Variants in LPIN2 observed in about 807,000 individuals in gnomAD.
The protein encoded by LPIN2 is lipin 2.
LPIN2 carries 55 observed loss-of-function variants against 111.4 expected under a neutral mutation model. The observed-to-expected ratio is 0.49, with a 90% CI of 0.40 to 0.62. The LOEUF (loss-of-function observed/expected upper bound fraction) is 0.62, where lower values mean the gene tolerates loss of function less well. Among genes scored for constraint, LPIN2 ranks in the 20% least tolerant of loss-of-function variants. LPIN2 has a pLI of 0.00. For missense variants in LPIN2, 992 were observed against 1,112.1 expected (o/e 0.89, Z 1.54); for synonymous variants, 425 against 414.0 (o/e 1.03, Z -0.32).
rs2077137506 is a variant in LPIN2 at position 2,926,750 on chromosome 18, G to A, written c.1766C>T (p.Ser589Phe). The A allele has an allele frequency of 6.2e-7, 1 of 1,613,524 alleles. No homozygotes were observed. The highest frequency in any genetic ancestry group is 8.5e-7 in the Non-Finnish European group (1 of 1,180,030). The change falls in exon 13 of 20, where the codon TCC (serine) becomes TTC (phenylalanine). Residue 589 changes from serine to phenylalanine, a missense_variant. Transcript: ENST00000677752. ...SEAPPASDLP[S>F]SSKEPAGARP... ...GGCACCGGCCGGCTCCTTGGAGCTGGATGGCAGGTCACTGGCTGGCGGTGC... is the reference window on the plus strand; with the variant it reads ...GGCACCGGCCGGCTCCTTGGAGCTGAATGGCAGGTCACTGGCTGGCGGTGC...
At chr18:2,945,938 A>G in intron 4 of LPIN2, 1 of 1,409,614 alleles carries the variant, frequency 7.1e-7, no homozygotes, top group South Asian at 1.2e-5. Context: ...AATGTATTAA[A>G]ATCAGAAGTT....
intron 15 of LPIN2, 39 bp downstream of exon 15, chr18:2,924,359 G>A: frequency 1.2e-6 from 2 of 1,613,468 alleles, no homozygotes; most frequent in Non-Finnish European, 1.7e-6. Flanking sequence ...CCTGAGCACG[G>A]GGCTGTTCCT....
Position 2,931,411 on chromosome 18 carries a change from T to C in LPIN2, c.1301A>G (p.Glu434Gly). ...CTGGGAGCCAGAGAGTGTGTCAGAC[T>C]CGGGCCACTGCCTGGAACCGGGCTC... ...ESEPGSRQWP[E>G]SDTLSGSQSP... Residue 434 changes from glutamate (E) to glycine (G), a missense_variant, in exon 9 of 20, where the codon GAG becomes GGG. By Grantham distance (98) the Glu-to-Gly change is moderately conservative. Around this residue, in one of 4 missense-constraint regions of LPIN2, gnomAD observed 709 missense variants for 753.2 expected, o/e 0.94. Coordinates refer to ENST00000677752, the MANE Select transcript of LPIN2 (RefSeq NM_001375808.2). The C allele has an allele frequency of 6.2e-7, 1 of 1,603,998 alleles. No individual in the cohort carries two copies. The highest frequency in any genetic ancestry group is 8.5e-7 in the Non-Finnish European group (1 of 1,175,056).
chr18:2,972,793 T>A (rs1304334842), intron 1 of LPIN2, among the ~76,000 whole-genome samples: 1 of 152,210 alleles, frequency 6.6e-6, no homozygotes, highest in Non-Finnish European at 1.5e-5. Context: ...TGTTCCCACA[T>A]TTCTCTTTAA....
At chr18:2,982,959 T>C (rs1364030927) in intron 1 of LPIN2, 2 of 345,192 alleles carry the variant, frequency 5.8e-6, no homozygotes, top group Non-Finnish European at 1.1e-5. Context: ...TTGCTCAAAA[T>C]ACCTCAACCC....
chr18:3,003,553 C>T (rs1465000133), intron 1 of LPIN2, among the ~76,000 whole-genome samples: 1 of 152,188 alleles, frequency 6.6e-6, no homozygotes, highest in Non-Finnish European at 1.5e-5. Context: ...ACTTCTTAAG[C>T]CTGTCTTTAC....
At chr18:2,980,503 G>C (rs2078092602) in intron 1 of LPIN2, among the ~76,000 whole-genome samples, 1 of 152,186 alleles carries the variant, frequency 6.6e-6, no homozygotes, top group Non-Finnish European at 1.5e-5. Context: ...AACTTAGCAT[G>C]ATGCACGCTG....
At chr18:2,936,614 T>C (rs1032522118) in intron 7 of LPIN2, among the ~76,000 whole-genome samples, 3 of 152,198 alleles carry the variant, frequency 2.0e-5, no homozygotes, top group Admixed American at 2.0e-4. Context: ...AGGGTCTCAC[T>C]CTATCACCCA....
intron 9 of LPIN2, among the ~76,000 whole-genome samples, chr18:2,930,878 C>G (rs906530417): frequency 1.3e-5 from 2 of 152,218 alleles, no homozygotes; most frequent in Non-Finnish European, 2.9e-5. Flanking sequence ...ATATTCATGT[C>G]TAAGGCCCAG....
intron 4 of LPIN2, among the ~76,000 whole-genome samples, chr18:2,947,751 G>A (rs1209040769): frequency 6.6e-6 from 1 of 152,186 alleles, no homozygotes; most frequent in Non-Finnish European, 1.5e-5. Context: ...TATGCTATAG[G>A]AAAGCTGCAA....
intron 9 of LPIN2, among the ~76,000 whole-genome samples, chr18:2,929,700 G>C (rs1250685932): frequency 6.6e-6 from 1 of 152,168 alleles, no homozygotes; most frequent in African/African-American, 2.4e-5. Flanking sequence ...GAGGTCAGGA[G>C]TTAGGGACTA....
In LPIN2 at chr18:2,960,805, A is replaced by C. The variant is rs764971848; in HGVS notation, c.36T>G (p.Ile12Met). 3.1e-6 allele frequency: 5 copies of C among 1,614,162 alleles called. No homozygotes were observed. The East Asian group carries it at 1.1e-4, about 36-fold the overall frequency. The change falls in exon 2 of 20, where the codon ATT (isoleucine) becomes ATG (methionine). Residue 12 changes from isoleucine (I) to methionine (M), a missense_variant. Physicochemically the swap from Ile to Met is conservative, Grantham distance 10. This residue lies in a region of LPIN2 where 67 missense variants were observed against 112.1 expected (regional missense o/e 0.60). Transcript: ENST00000677752. Reference protein sequence around the residue: ...NYVGQLAGQVIVTVKELYKGI... With the variant: ...NYVGQLAGQVMVTVKELYKGI... ...CCTTGTAGAGTTCCTTCACAGTGAC[A>C]ATCACCTGCCCAGCCAGCTGTCCCA...
At chr18:2,983,922 A>G (rs1209876463) in intron 1 of LPIN2, among the ~76,000 whole-genome samples, 1 of 152,176 alleles carries the variant, frequency 6.6e-6, no homozygotes, top group Non-Finnish European at 1.5e-5. Flanking sequence ...CAAGGTGGGG[A>G]AAAGGCCATT....
At chr18:2,958,455 T>C (rs1046207467) in intron 2 of LPIN2, among the ~76,000 whole-genome samples, 19 of 152,266 alleles carry the variant, frequency 1.2e-4, no homozygotes, top group Non-Finnish European at 2.5e-4. Context: ...TACTTTCACA[T>C]CAATGGCCAG....
chr18:2,918,967 C>A lies in LPIN2; in HGVS notation c.*1326G>T, dbSNP rs925315179. 5.9e-5 allele frequency: 9 copies of A among 152,124 alleles called. No individual in the cohort carries two copies. Among genetic ancestry groups the A allele is most frequent in the African/African-American group, 2.2e-4 (9 of 41,424 alleles). The allele number at this position is 152,124 out of a possible 1,614,324, so 9.4% of individuals were successfully genotyped here. ...TGTTCTCGCCAATGGAGACCAAGACCTGGGGTTGGTTCTGGGCTCCTGACA... is the reference window on the plus strand; with the variant it reads ...TGTTCTCGCCAATGGAGACCAAGACATGGGGTTGGTTCTGGGCTCCTGACA... On this transcript the variant is annotated 3_prime_UTR_variant, in exon 20 of 20. Transcript: ENST00000677752.
chr18:2,932,459 A>C (rs2077223531), intron 8 of LPIN2, among the ~76,000 whole-genome samples: 1 of 152,216 alleles, frequency 6.6e-6, no homozygotes, highest in Admixed American at 6.5e-5. Context: ...AAAAAAATTC[A>C]GGTTTTTGGA....
chr18:2,946,490 G>C (rs767819519), intron 4 of LPIN2: 3 of 1,564,018 alleles, frequency 1.9e-6, no homozygotes, highest in South Asian at 1.1e-5. Flanking sequence ...ATTGGTCTCA[G>C]GATCGAAGCG....
intron 4 of LPIN2, among the ~76,000 whole-genome samples, chr18:2,942,033 A>C (rs2077373841): frequency 6.6e-6 from 1 of 152,250 alleles, no homozygotes; most frequent in Non-Finnish European, 1.5e-5. Context: ...GTAAATGAGA[A>C]TATCCACATC....
intron 15 of LPIN2, 30 bp from the exon 16 acceptor site, chr18:2,923,891 ATC>A: frequency 1.3e-6 from 2 of 1,579,582 alleles, no homozygotes; most frequent in Non-Finnish European, 1.7e-6. Context: ...AGGAAAAGCT[ATC>A]AGGAATCAAA....
Sources: allele counts gnomAD v4.1 joint callset (sites outside exome capture counted in the v4.1 genomes callset), GRCh38; gene constraint gnomAD v4.1.1; regional missense constraint gnomAD v4.1.1; transcripts MANE v1.5; gene names NCBI Gene and HGNC (gene_info 2026-07-23, HGNC 2026-07-21).